NR5A2: variants seen among roughly 807,000 people sequenced by gnomAD.
NR5A2 encodes CYP7A promoter-binding factor.
NR5A2 carries 26 observed loss-of-function variants against 62.7 expected under a neutral mutation model. That is an observed-to-expected ratio of 0.41 (90% CI 0.30 to 0.58). NR5A2 has a LOEUF of 0.58. Among genes scored for constraint, NR5A2 ranks in the 20% least tolerant of loss-of-function variants. The probability of loss-of-function intolerance (pLI) is 0.22; values close to 1 mark genes in which losing one functional copy is unlikely to be tolerated. For missense variants in NR5A2, 541 were observed against 669.1 expected (o/e 0.81, Z 2.11); for synonymous variants, 246 against 241.7 (o/e 1.02, Z -0.16).
chr1:200,075,839 G>A (rs1029400281), intron 5 of NR5A2, among the ~76,000 whole-genome samples: 1 of 151,996 alleles, frequency 6.6e-6, no homozygotes, highest in African/African-American at 2.4e-5. Flanking sequence ...TGTGAAGCAT[G>A]GTAGTGTGAA....
intron 5 of NR5A2, among the ~76,000 whole-genome samples, chr1:200,096,404 C>A (rs1434784842): frequency 6.6e-6 from 1 of 152,108 alleles, no homozygotes; most frequent in Non-Finnish European, 1.5e-5. Flanking sequence ...GCCTTCCTGA[C>A]ACTCAAACAC....
Position 200,175,401 on chromosome 1 carries a change from T to G in NR5A2, c.*1191T>G, listed in dbSNP as rs1654371630. The G allele has an allele frequency of 6.5e-6, 1 of 152,688 alleles. No homozygotes were observed. Among genetic ancestry groups the G allele is most frequent in the Non-Finnish European group, 1.5e-5 (1 of 68,022 alleles). The allele number at this position is 152,688 out of a possible 1,614,324, so 9.5% of individuals were successfully genotyped here. ...TTCCCCAAAGGGGAAAGGAAGAGAG[T>G]GATACTGACCTTTTTAAGTCATAGA... On this transcript the variant is annotated 3_prime_UTR_variant, in exon 8 of 8. Transcript: ENST00000367362.
intron 7 of NR5A2, among the ~76,000 whole-genome samples, chr1:200,129,079 G>C (rs750577203): frequency 2.0e-5 from 3 of 152,132 alleles, no homozygotes; most frequent in Non-Finnish European, 2.9e-5. Context: ...GAGGTTTGCT[G>C]TCAAAGCTCC....
rs1490926111 is a variant in NR5A2 at position 200,062,257 on chromosome 1, G to GTGTGTGTGTGTGTGTA, written c.1110+13440_1110+13441insGTGTGTGTGTGTGTAT. ...TGTGTGTGTGTGTGTGTGTGTGTGT[G>GTGTGTGTGTGTGTGTA]TATCTGTGTCCATGTGTGTATCGCA... On this transcript the variant is annotated intron_variant, in intron 5 of 7. Coordinates refer to ENST00000367362, the MANE Select transcript of NR5A2 (RefSeq NM_205860.3). Among the ~76,000 whole-genome samples, 51 of 151,608 alleles carry GTGTGTGTGTGTGTGTA rather than the reference G, an allele frequency of 3.4e-4. No homozygotes were observed. The East Asian group carries it at 4.3e-3, about 13-fold the overall frequency.
chr1:200,099,996 A>C (rs1665291499), intron 5 of NR5A2, among the ~76,000 whole-genome samples: 2 of 152,234 alleles, frequency 1.3e-5, no homozygotes, highest in Admixed American at 1.3e-4. Context: ...AAAAATGACC[A>C]TCATATTCAC....
chr1:200,165,774 A>G (rs1653872482), intron 7 of NR5A2, among the ~76,000 whole-genome samples: 1 of 152,224 alleles, frequency 6.6e-6, no homozygotes, highest in South Asian at 2.1e-4. Flanking sequence ...GTTACTTTCA[A>G]GTTTGGGCAA....
intron 6 of NR5A2, among the ~76,000 whole-genome samples, chr1:200,116,093 G>A (rs1666203768): frequency 6.6e-6 from 1 of 152,076 alleles, no homozygotes; most frequent in Non-Finnish European, 1.5e-5. Context: ...TGAGTATTTT[G>A]AGATTGGCAA....
intron 7 of NR5A2, among the ~76,000 whole-genome samples, chr1:200,134,444 G>A (rs1268333761): frequency 6.6e-6 from 1 of 152,146 alleles, no homozygotes; most frequent in East Asian, 1.9e-4. Context: ...TATTCACTGT[G>A]TTACAACTGC....
rs76894039 is a variant in NR5A2 at position 200,111,336 on chromosome 1, C to CAAAAAA, written c.1230+25_1230+30dup. On this transcript the variant is annotated intron_variant, in intron 6 of 7. Coordinates refer to ENST00000367362, the MANE Select transcript of NR5A2 (RefSeq NM_205860.3). ...CTGGGCAACAAGTGAGTGTAGAGAC[C>CAAAAAA]AAAAAAAAAAAAAAAGCATCTTTTT... The CAAAAAA allele has an allele frequency of 5.1e-5, 72 of 1,407,808 alleles. 1 individual carries two copies. The African/African-American group carries it at 8.5e-4, about 17-fold the overall frequency. 87.2% of individuals were successfully genotyped at this position (1,407,808 alleles called of 1,614,324 possible). A position where few individuals can be genotyped will look rare whatever the true frequency, so the allele number is the denominator to read the frequency against.
intron 5 of NR5A2, among the ~76,000 whole-genome samples, chr1:200,109,570 ACT>A (rs1208073848): frequency 1.3e-5 from 2 of 152,204 alleles, no homozygotes; most frequent in Non-Finnish European, 2.9e-5. Flanking sequence ...TCTTGAGCTC[ACT>A]GTGTCCTGAA....
chr1:200,060,197 T>G, intron 5 of NR5A2, among the ~76,000 whole-genome samples: 1 of 152,166 alleles, frequency 6.6e-6, no homozygotes, highest in East Asian at 1.9e-4. Flanking sequence ...CATTAACTCT[T>G]TTTCCTTTCC....
chr1:200,034,518 A>G (rs1266573817), intron 1 of NR5A2, among the ~76,000 whole-genome samples: 1 of 148,934 alleles, frequency 6.7e-6, no homozygotes, highest in African/African-American at 2.5e-5. Flanking sequence ...TTTTTATACA[A>G]AGAGCCGTAG....
intron 5 of NR5A2, among the ~76,000 whole-genome samples, chr1:200,082,512 GT>G (rs1664343313): frequency 1.3e-5 from 2 of 152,034 alleles, no homozygotes; most frequent in Admixed American, 6.6e-5. Context: ...AAACATATGA[GT>G]CAAACCGAAA....
intron 5 of NR5A2, chr1:200,057,695 T>C: frequency 3.3e-6 from 1 of 305,834 alleles, no homozygotes; most frequent in Non-Finnish European, 6.6e-6. Context: ...GCCAGGCTGG[T>C]CTCAAAACTC....
intron 5 of NR5A2, among the ~76,000 whole-genome samples, chr1:200,084,003 T>TAAA: frequency 1.4e-5 from 2 of 139,420 alleles, no homozygotes. Context: ...ATAATAATAA[T>TAAA]AATAAAGTAC....
intron 5 of NR5A2, among the ~76,000 whole-genome samples, chr1:200,088,624 A>C (rs1664670624): frequency 6.6e-6 from 1 of 152,024 alleles, no homozygotes; most frequent in Admixed American, 6.6e-5. Flanking sequence ...GAATGTGCAA[A>C]GCTCCCCTCC....
intron 5 of NR5A2, among the ~76,000 whole-genome samples, chr1:200,088,330 T>TCGCTG: frequency 6.6e-6 from 1 of 152,106 alleles, no homozygotes; most frequent in African/African-American, 2.4e-5. Context: ...CGATCCTGGC[T>TCGCTG]CACTGCAACC....
At chr1:200,086,832 A>G (rs1269656798) in intron 5 of NR5A2, among the ~76,000 whole-genome samples, 1 of 151,984 alleles carries the variant, frequency 6.6e-6, no homozygotes, top group Admixed American at 6.6e-5. Context: ...TGAGGTACGG[A>G]GTTCAAGACT....
rs777602579 is a variant in NR5A2, at chr1:200,174,219, C to T, written c.*9C>T. ...ATGCCAAAAGAGCATAAGTTACAAC[C>T]CCTAGGAGCTCTGCTTTCAAAACAA... On this transcript the variant is annotated 3_prime_UTR_variant, in exon 8 of 8. Coordinates refer to ENST00000367362, the MANE Select transcript of NR5A2 (RefSeq NM_205860.3). 5.2e-6 allele frequency: 8 copies of T among 1,541,432 alleles called. No individual in the cohort carries two copies. The highest frequency in any genetic ancestry group is 7.0e-6 in the Non-Finnish European group (8 of 1,143,306).
Sources: gnomAD v4.1 joint callset for allele counts (sites outside exome capture counted in the v4.1 genomes callset) on GRCh38, gnomAD v4.1.1 for gene constraint, MANE v1.5 for transcripts, NCBI Gene and HGNC (gene_info 2026-07-23, HGNC 2026-07-21) for gene names.